Variants in RABL6 observed in about 807,000 individuals in gnomAD.
RABL6 encodes the protein rab-like protein 6.
A neutral mutation model predicts 72.9 loss-of-function variants in RABL6; 28 were observed. The ratio of observed to expected loss-of-function variants is 0.38; its 90% CI spans 0.28 to 0.53. The LOEUF is 0.53. Ranked by LOEUF, RABL6 falls within the 20% of genes least tolerant of loss-of-function variation. RABL6 has a pLI of 0.80. For synonymous variants in RABL6, 477 were observed against 421.2 expected, an observed-to-expected ratio of 1.13 and a Z score of -1.62; for missense variants, 1,029 against 1,008.4, an observed-to-expected ratio of 1.02 and a Z score of -0.28.
chr9:136,838,988 A>C lies in RABL6; in HGVS notation c.1360A>C (p.Ser454Arg), dbSNP rs746703589. 1 of 1,611,770 alleles carries C rather than the reference A, an allele frequency of 6.2e-7. No individual in the cohort carries two copies. The highest frequency in any genetic ancestry group is 1.7e-5 in the Admixed American group (1 of 59,934). ...GGACCTCGAAGACCAGCCACGTGGG[A>C]GTCCCCCGCTGCCTGCAGGCCCCGT... ...DVDLEDQPRGSPPLPAGPVPS... is the reference protein window; with the variant it reads ...DVDLEDQPRGRPPLPAGPVPS... Residue 454 changes from serine to arginine, a missense_variant, in exon 11 of 15, where the codon AGT (serine) becomes CGT (arginine). Transcript: ENST00000311502.
intron 1 of RABL6, among the ~76,000 whole-genome samples, chr9:136,811,251 T>C (rs1004897191): frequency 7.9e-5 from 12 of 152,156 alleles, no homozygotes; most frequent in Non-Finnish European, 1.0e-4. Context: ...ACATTTAAGA[T>C]ATATGTTGAT....
intron 5 of RABL6, among the ~76,000 whole-genome samples, chr9:136,831,478 G>A (rs1848472112): frequency 6.6e-6 from 1 of 152,184 alleles, no homozygotes; most frequent in Admixed American, 6.5e-5. Flanking sequence ...GCGTTCCAGT[G>A]TGGGGTGCGG....
Position 136,840,171 on chromosome 9 carries a change from C to A in RABL6, c.1948C>A (p.Pro650Thr). 1.2e-6 allele frequency: 2 copies of A among 1,612,746 alleles called. No homozygotes were observed. Among genetic ancestry groups the A allele is most frequent in the South Asian group, 1.1e-5 (1 of 91,066 alleles). ...SSEEGKEGKT[P>T]SKEKKKKKKK... Reference sequence around the variant, plus strand: ...CTGTGCAGGTAAGGAGGGCAAAACCCCCTCTAAGGAGAAGAAGAAGAAGAA... The same window carrying A: ...CTGTGCAGGTAAGGAGGGCAAAACCACCTCTAAGGAGAAGAAGAAGAAGAA... Residue 650 changes from proline to threonine, a missense_variant, in exon 14 of 15, where the codon CCC becomes ACC. Around this residue, in one of 2 missense-constraint regions of RABL6, gnomAD observed 595 missense variants for 472.4 expected, o/e 1.26. Transcript: ENST00000311502.
Position 136,807,996 on chromosome 9 carries a change from G to A in RABL6, c.-201G>A, listed in dbSNP as rs1412051713. The A allele has an allele frequency of 5.9e-6, 6 of 1,014,992 alleles. No homozygotes were observed. In the East Asian group the frequency reaches 3.0e-4, roughly 50 times the overall value. The allele number at this position is 1,014,992 out of a possible 1,614,324, so 62.9% of individuals were successfully genotyped here. On this transcript the variant is annotated 5_prime_UTR_variant, in exon 1 of 15. Coordinates refer to ENST00000311502, the MANE Select transcript of RABL6 (RefSeq NM_024718.5). ...GAGCGGTCGCGCCGGAGGCCGCGGG[G>A]GCCGGAGCGGAGCAGCCGCGGCTGA...
chr9:136,808,095 C>T lies in RABL6; in HGVS notation c.-102C>T, dbSNP rs1214535194. 2.4e-6 allele frequency: 3 copies of T among 1,237,480 alleles called. No individual in the cohort carries two copies. Among genetic ancestry groups the T allele is most frequent in the Non-Finnish European group, 3.1e-6 (3 of 981,860 alleles). The allele number at this position is 1,237,480 out of a possible 1,614,324, so 76.7% of individuals were successfully genotyped here. ...CCTCTGGCCGCGCCGGCTCCGGCCT[C>T]CGGGGGGGCCGGGGCCGCCGGGACA... On this transcript the variant is annotated 5_prime_UTR_variant, in exon 1 of 15. Transcript: ENST00000311502.
At chr9:136,840,100 G>A in intron 13 of RABL6, 54 bp from the exon 14 acceptor site, 1 of 1,611,210 alleles carries the variant, frequency 6.2e-7, no homozygotes, top group Non-Finnish European at 8.5e-7. Flanking sequence ...CTGTCACCCA[G>A]CTTGGGGTCC....
intron 8 of RABL6, chr9:136,836,166 A>C (rs1052392749): frequency 1.4e-5 from 4 of 294,424 alleles, no homozygotes; most frequent in Non-Finnish European, 2.6e-5. Flanking sequence ...TCCCAGATTG[A>C]TGCCAGCATG....
intron 3 of RABL6, 36 bp from the exon 4 acceptor site, chr9:136,828,458 G>A (rs1394982941): frequency 1.2e-6 from 2 of 1,609,950 alleles, no homozygotes; most frequent in Admixed American, 1.7e-5. Context: ...AGGCCCAGGG[G>A]TTCCACCTCG....
chr9:136,813,174 C>A, intron 1 of RABL6: 2 of 478,550 alleles, frequency 4.2e-6, no homozygotes, highest in South Asian at 1.8e-5. Context: ...TGGCTCCTGG[C>A]ATCAGGTGGT....
At chr9:136,812,481 C>G (rs1848031857) in intron 1 of RABL6, among the ~76,000 whole-genome samples, 2 of 152,106 alleles carry the variant, frequency 1.3e-5, no homozygotes, top group Non-Finnish European at 2.9e-5. Flanking sequence ...ATCGCTTGAA[C>G]CCGGGAGGCA....
In RABL6 at chr9:136,839,433, G is replaced by T. The variant is rs374421655; in HGVS notation, c.1705G>T (p.Val569Phe). ...GPIAAQMLSF[V>F]MDDPDFESEG... ...CATTGCTGCACAAATGCTGTCCTTC[G>T]TCATGGATGACCCCGACTTTGAGAG... Residue 569 changes from valine (V) to phenylalanine (F), a missense_variant, in exon 12 of 15, where the codon GTC (valine) becomes TTC (phenylalanine). By Grantham distance (50) the Val-to-Phe change is conservative. Coordinates refer to ENST00000311502, the MANE Select transcript of RABL6 (RefSeq NM_024718.5). The T allele has an allele frequency of 6.2e-7, 1 of 1,612,608 alleles. No individual in the cohort carries two copies. The highest frequency in any genetic ancestry group is 2.2e-5 in the East Asian group (1 of 44,872).
chr9:136,827,943 C>T (rs1848392707), intron 3 of RABL6: 1 of 153,096 alleles, frequency 6.5e-6, no homozygotes, highest in South Asian at 2.0e-4. Flanking sequence ...ATGGCGGAGG[C>T]TCAGGGGGAC....
At chr9:136,822,018 G>T in intron 1 of RABL6, 1 of 1,289,720 alleles carries the variant, frequency 7.8e-7, no homozygotes. Flanking sequence ...GCGAGGAAAT[G>T]AACAAGCTTC....
rs1466838535 is a variant in RABL6 at position 136,839,780 on chromosome 9, T to G, written c.1845T>G (p.Pro615=). The change falls in exon 13 of 15, where the codon CCT becomes CCG. Residue 615 remains proline, a synonymous_variant. Coordinates refer to ENST00000311502, the MANE Select transcript of RABL6 (RefSeq NM_024718.5). The part of the protein sequence containing the change: ...PAEPPPPPKL[P]LPAFRLKNDS... ...AGCCGCCCCCACCCCCCAAGCTCCC[T>G]CTCCCCGCCTTCAGACTGAAGAATG... 2 of 1,612,374 alleles carry G rather than the reference T, an allele frequency of 1.2e-6. No homozygotes were observed. The highest frequency in any genetic ancestry group is 4.5e-5 in the East Asian group (2 of 44,880).
intron 2 of RABL6, among the ~76,000 whole-genome samples, chr9:136,824,840 C>G (rs562099282): frequency 6.6e-6 from 1 of 152,288 alleles, no homozygotes; most frequent in Non-Finnish European, 1.5e-5. Flanking sequence ...CCCACAGGGC[C>G]GGCGCACAGA....
chr9:136,822,999 A>G (rs564925938), intron 1 of RABL6, among the ~76,000 whole-genome samples: 8 of 151,468 alleles, frequency 5.3e-5, no homozygotes, highest in African/African-American at 1.9e-4. Flanking sequence ...GAGACAGGAG[A>G]ATGGCGTGAA....
At chr9:136,815,994 A>C (rs1848112320) in intron 1 of RABL6, among the ~76,000 whole-genome samples, 1 of 152,218 alleles carries the variant, frequency 6.6e-6, no homozygotes, top group Non-Finnish European at 1.5e-5. Flanking sequence ...TGAATCCTAA[A>C]GGTTTTCCAG....
chr9:136,822,086 C>T (rs1166867535), intron 1 of RABL6: 19 of 1,288,284 alleles, frequency 1.5e-5, no homozygotes, highest in Non-Finnish European at 1.6e-5. Context: ...GGGGACTGGG[C>T]CAGGAGAGAG....
intron 5 of RABL6, among the ~76,000 whole-genome samples, chr9:136,830,379 C>CT (rs1848447786): frequency 6.6e-6 from 1 of 152,278 alleles, no homozygotes; most frequent in South Asian, 2.1e-4. Flanking sequence ...GGGAACCATG[C>CT]CTGCCCTCCC....
Sources: gnomAD v4.1 joint callset for allele counts (sites outside exome capture counted in the v4.1 genomes callset) on GRCh38, gnomAD v4.1.1 for gene constraint, gnomAD v4.1.1 regional missense constraint, MANE v1.5 for transcripts, NCBI Gene and HGNC (gene_info 2026-07-23, HGNC 2026-07-21) for gene names.